CPNE8: variants seen among roughly 807,000 people sequenced by gnomAD.
CPNE8 encodes copine 8.
A neutral mutation model predicts 81.5 loss-of-function variants in CPNE8; 45 were observed. The observed-to-expected ratio is 0.55, with a 90% CI of 0.44 to 0.71. The LOEUF (loss-of-function observed/expected upper bound fraction) is 0.71. CPNE8 is among the 30% of genes least tolerant of loss of function. The pLI is 0.00. For synonymous variants in CPNE8, 252 were observed against 226.3 expected (o/e 1.11, Z -1.02); for missense variants, 594 against 672.1 (o/e 0.88, Z 1.28).
At chr12:38,678,946 G>A (rs1939351717) in intron 16 of CPNE8, among the ~76,000 whole-genome samples, 1 of 151,764 alleles carries the variant, frequency 6.6e-6, no homozygotes, top group South Asian at 2.1e-4. Context: ...ATCCAAAGCG[G>A]TTATAAACCT....
At chr12:38,790,570 T>G (rs1002419533) in intron 6 of CPNE8, among the ~76,000 whole-genome samples, 3 of 151,674 alleles carry the variant, frequency 2.0e-5, no homozygotes, top group Non-Finnish European at 4.4e-5. Context: ...CAATAATAAT[T>G]TAATTGTATA....
At chr12:38,672,924 A>C (rs903349314) in intron 18 of CPNE8, among the ~76,000 whole-genome samples, 1 of 149,676 alleles carries the variant, frequency 6.7e-6, no homozygotes, top group African/African-American at 2.5e-5. Context: ...TGTTGGCTTT[A>C]TGTGGTTAGC....
At chr12:38,904,096 T>G (rs771648291) in intron 1 of CPNE8, among the ~76,000 whole-genome samples, 1 of 152,178 alleles carries the variant, frequency 6.6e-6, no homozygotes, top group Non-Finnish European at 1.5e-5. Context: ...AAAGTCAAGA[T>G]TGATGGAATT....
Position 38,805,966 on chromosome 12 carries a change from T to C in CPNE8, c.407+23413A>G, listed in dbSNP as rs569102335. ...AATACAAACTACCATCAGAGAATAC[T>C]ACAAACACCTCTACGCAAATAAACT... On this transcript the variant is annotated intron_variant, in intron 6 of 19. Coordinates refer to ENST00000331366, the MANE Select transcript of CPNE8 (RefSeq NM_153634.3). Among the ~76,000 whole-genome samples, 4 of 150,234 alleles carry C rather than the reference T, an allele frequency of 2.7e-5. No homozygotes were observed. In the South Asian group the frequency reaches 8.6e-4, roughly 32 times the overall value.
chr12:38,668,936 C>T (rs1939115769), intron 19 of CPNE8, among the ~76,000 whole-genome samples: 1 of 151,988 alleles, frequency 6.6e-6, no homozygotes, highest in Non-Finnish European at 1.5e-5. Flanking sequence ...CACCTGTAGT[C>T]CCAGCTACTC....
chr12:38,905,392 C>A (rs1944553902), intron 1 of CPNE8, 45 bp downstream of exon 1: 2 of 1,542,618 alleles, frequency 1.3e-6, no homozygotes, highest in Admixed American at 2.0e-5. Context: ...GCTACCAACC[C>A]CACAGATGAG....
At chr12:38,684,516 T>C (rs1230339217) in intron 16 of CPNE8, among the ~76,000 whole-genome samples, 1 of 152,138 alleles carries the variant, frequency 6.6e-6, no homozygotes, top group East Asian at 1.9e-4. Context: ...GTCATCAATG[T>C]ATCACTGTCA....
At chr12:38,790,599 T>A (rs1942297903) in intron 6 of CPNE8, among the ~76,000 whole-genome samples, 1 of 151,678 alleles carries the variant, frequency 6.6e-6, no homozygotes, top group African/African-American at 2.4e-5. Flanking sequence ...TAACTAAAAT[T>A]GTTTAACTAG....
At position 38,707,810 on chromosome 12, in the gene CPNE8, G is replaced by A. The variant is rs1358496500; in HGVS notation, c.915-4889C>T. ...ACTAAATAAAGCAGCTCATGCTAGCGATGGTCACTTAGCCTGCTATCACAC... is the reference window on the plus strand; with the variant it reads ...ACTAAATAAAGCAGCTCATGCTAGCAATGGTCACTTAGCCTGCTATCACAC... On this transcript the variant is annotated intron_variant, in intron 13 of 19. Transcript: ENST00000331366. Among the ~76,000 whole-genome samples the A allele has an allele frequency of 4.6e-5, 7 of 152,166 alleles. No individual in the cohort carries two copies. The East Asian group carries it at 1.2e-3, about 25-fold the overall frequency.
intron 6 of CPNE8, among the ~76,000 whole-genome samples, chr12:38,801,081 C>A (rs1418153160): frequency 7.1e-5 from 10 of 140,474 alleles, no homozygotes; most frequent in Admixed American, 1.5e-4. Flanking sequence ...GGAAAACACT[C>A]TGCAGGATAT....
chr12:38,876,046 G>C (rs570135725), intron 1 of CPNE8, among the ~76,000 whole-genome samples: 1 of 152,226 alleles, frequency 6.6e-6, no homozygotes, highest in Non-Finnish European at 1.5e-5. Context: ...AAAAAACAGA[G>C]ATGACAGTGC....
intron 6 of CPNE8, among the ~76,000 whole-genome samples, chr12:38,783,672 A>G (rs1363723506): frequency 6.6e-6 from 1 of 152,192 alleles, no homozygotes; most frequent in Non-Finnish European, 1.5e-5. Flanking sequence ...AGAACAAAGA[A>G]AGAGAGACCC....
intron 6 of CPNE8, among the ~76,000 whole-genome samples, chr12:38,794,961 G>A (rs903910635): frequency 1.7e-4 from 26 of 152,120 alleles, no homozygotes; most frequent in African/African-American, 6.3e-4. Flanking sequence ...AGAGAAAGTG[G>A]GAGACCCTTA....
At chr12:38,800,250 T>G (rs949200313) in intron 6 of CPNE8, among the ~76,000 whole-genome samples, 5 of 41,854 alleles carry the variant, frequency 1.2e-4, no homozygotes, top group African/African-American at 2.7e-4. Context: ...CAGACTTAAG[T>G]GTCCCTGTCT....
At chr12:38,867,305 A>AGT (rs35874005) in intron 3 of CPNE8, among the ~76,000 whole-genome samples, 26,481 of 132,832 alleles carry the variant, frequency 0.2, 3,406 homozygotes, top group Non-Finnish European at 0.29. Flanking sequence ...TGAATAGTAT[A>AGT]GTGTGTGTGT....
intron 15 of CPNE8, among the ~76,000 whole-genome samples, chr12:38,687,373 T>TC (rs1491376747): frequency 1.5e-5 from 1 of 68,854 alleles, no homozygotes; most frequent in Non-Finnish European, 3.6e-5. Context: ...GCCAAGACTT[T>TC]CTTTTTTTTT....
At chr12:38,751,570 G>A (rs1263134461) in intron 10 of CPNE8, among the ~76,000 whole-genome samples, 1 of 152,166 alleles carries the variant, frequency 6.6e-6, no homozygotes, top group Non-Finnish European at 1.5e-5. Context: ...TGTTGAGTTA[G>A]AAAGCTAGGA....
At chr12:38,775,698 TAC>T (rs1282287176) in intron 7 of CPNE8, among the ~76,000 whole-genome samples, 1 of 152,190 alleles carries the variant, frequency 6.6e-6, no homozygotes, top group East Asian at 1.9e-4. Flanking sequence ...GTTCTAAAAA[TAC>T]AGAGTATGCA....
intron 1 of CPNE8, among the ~76,000 whole-genome samples, chr12:38,877,994 A>T (rs1565659193): frequency 6.6e-6 from 1 of 152,136 alleles, no homozygotes; most frequent in Non-Finnish European, 1.5e-5. Flanking sequence ...CAAAACCAAG[A>T]TGGTGATGAG....
Sources: allele counts gnomAD v4.1 joint callset (sites outside exome capture counted in the v4.1 genomes callset), GRCh38; gene constraint gnomAD v4.1.1; transcripts MANE v1.5; gene names NCBI Gene and HGNC (gene_info 2026-07-23, HGNC 2026-07-21).